The following AK8 variants were observed in gnomAD, a reference collection of about 807,000 sequenced individuals.
The protein encoded by AK8 is ATP-AMP transphosphorylase 8.
Under a neutral mutation model 54.6 loss-of-function variants are expected in AK8, and 44 were observed. The observed-to-expected ratio is 0.81, with a 90% CI of 0.63 to 1.04. The LOEUF (loss-of-function observed/expected upper bound fraction) is 1.04, where lower values mean the gene tolerates loss of function less well. Ranked by LOEUF, AK8 falls within the 50% of genes least tolerant of loss-of-function variation. AK8 has a pLI of 0.00. For synonymous variants in AK8, 239 were observed against 245.6 expected (o/e 0.97, Z 0.25); for missense variants, 555 against 613.6 (o/e 0.90, Z 1.01).
At position 132,823,301 on chromosome 9, in the gene AK8, C is replaced by T. The variant is rs1179521659; in HGVS notation, c.793G>A (p.Ala265Thr). ...AGCAGCACCCTCGGGGTGAACGGGG[C>T]ATTAGTACGATGGTTGCTTTGGACA... ...TYVQSNHRTN[A>T]PFTPRVLLLG... The change falls in exon 9 of 13, where the codon GCC (alanine) becomes ACC (threonine). Residue 265 changes from alanine (A) to threonine (T), a missense_variant. Physicochemically the swap from Ala to Thr is moderately conservative, Grantham distance 58. Transcript: ENST00000298545. 27 of 1,613,808 alleles carry T rather than the reference C, an allele frequency of 1.7e-5. No homozygotes were observed. The highest frequency in any genetic ancestry group is 2.3e-5 in the Non-Finnish European group (27 of 1,179,836).
chr9:132,787,373 A>G (rs575124912), intron 11 of AK8, among the ~76,000 whole-genome samples: 1 of 152,324 alleles, frequency 6.6e-6, no homozygotes, highest in African/African-American at 2.4e-5. Flanking sequence ...AAGAGCCTAC[A>G]AACTTCCACA....
chr9:132,873,523 TTACTTTTACTC>T (rs1043093512), intron 2 of AK8, among the ~76,000 whole-genome samples: 1 of 152,250 alleles, frequency 6.6e-6, no homozygotes, highest in Non-Finnish European at 1.5e-5. Context: ...TGTTTTTACT[TTACTTTTACTC>T]TACTTTTACT....
intron 11 of AK8, among the ~76,000 whole-genome samples, chr9:132,730,334 A>G (rs191707881): frequency 2.0e-5 from 3 of 152,304 alleles, no homozygotes; most frequent in Non-Finnish European, 4.4e-5. Context: ...GTCCAGAGCA[A>G]TAACAGCACG....
intron 11 of AK8, among the ~76,000 whole-genome samples, chr9:132,780,770 C>A (rs1839429590): frequency 1.3e-5 from 2 of 152,160 alleles, no homozygotes; most frequent in African/African-American, 2.4e-5. Flanking sequence ...GAAAAAGATA[C>A]TCCAGAAAAC....
chr9:132,760,223 G>A (rs770444103), intron 11 of AK8, among the ~76,000 whole-genome samples: 1 of 149,514 alleles, frequency 6.7e-6, no homozygotes, highest in African/African-American at 2.5e-5. Flanking sequence ...TTGCTGTGTT[G>A]CCCAGGCTGC....
chr9:132,791,698 A>G lies in AK8; in HGVS notation c.1121+936T>C, dbSNP rs1037650803. Among the ~76,000 whole-genome samples the G allele has an allele frequency of 6.6e-6, 1 of 152,156 alleles. No individual in the cohort carries two copies. The highest frequency in any genetic ancestry group is 2.4e-5 in the African/African-American group (1 of 41,424). On this transcript the variant is annotated intron_variant, in intron 11 of 12. Transcript: ENST00000298545. This position sits in a 1 kb window ranked among gnomAD's most constrained non-coding sequence, Gnocchi z 4.0. Reference sequence around the variant, plus strand: ...CCCAGTATATTGAGAGACTAAACACACAGTTTGATGATGGTCAGACCATAT... The same window carrying G: ...CCCAGTATATTGAGAGACTAAACACGCAGTTTGATGATGGTCAGACCATAT...
At chr9:132,776,147 T>C (rs1204040259) in intron 11 of AK8, among the ~76,000 whole-genome samples, 1 of 152,224 alleles carries the variant, frequency 6.6e-6, no homozygotes, top group Non-Finnish European at 1.5e-5. Context: ...ATGGGAGAAC[T>C]TTCCTTTTTC....
intron 11 of AK8, among the ~76,000 whole-genome samples, chr9:132,789,354 T>C (rs1447153958): frequency 6.6e-6 from 1 of 151,172 alleles, no homozygotes; most frequent in East Asian, 1.9e-4. Context: ...TCCAAGCACT[T>C]TGGGAGGCTG....
chr9:132,840,765 C>T (rs140157617), intron 5 of AK8, among the ~76,000 whole-genome samples: 36 of 152,152 alleles, frequency 2.4e-4, no homozygotes, highest in Non-Finnish European at 4.9e-4. Flanking sequence ...TGGTGGCACA[C>T]GCCTGCAATC....
chr9:132,870,236 AT>A (rs1843757554), intron 2 of AK8, among the ~76,000 whole-genome samples: 1 of 152,164 alleles, frequency 6.6e-6, no homozygotes, highest in Non-Finnish European at 1.5e-5. Flanking sequence ...TCCCCACCTA[AT>A]TTCTCCCACA....
chr9:132,756,798 C>T (rs960394865), intron 11 of AK8, among the ~76,000 whole-genome samples: 4 of 152,018 alleles, frequency 2.6e-5, no homozygotes, highest in Non-Finnish European at 5.9e-5. Context: ...TAGAGACAGG[C>T]GAATTCCGCA....
intron 9 of AK8, among the ~76,000 whole-genome samples, 167 bp from the exon 10 acceptor site, chr9:132,814,894 T>C (rs1007672198): frequency 2.0e-5 from 3 of 151,712 alleles, no homozygotes; most frequent in African/African-American, 7.3e-5. Context: ...AAAGTAAATA[T>C]CAAAAAGGAG....
At chr9:132,828,593 ACCCCTTGGGGCT>A in intron 6 of AK8, 40 bp downstream of exon 6, 1 of 1,532,282 alleles carries the variant, frequency 6.5e-7, no homozygotes, top group Admixed American at 1.9e-5. Context: ...CTCACTGGCC[ACCCCTTGGGGCT>A]GCAGCTCTGG....
chr9:132,870,637 C>T (rs541851937), intron 2 of AK8, among the ~76,000 whole-genome samples: 7 of 152,370 alleles, frequency 4.6e-5, no homozygotes, highest in African/African-American at 1.4e-4. Flanking sequence ...GCCCAAGTGC[C>T]GGGGCTCCCT....
At chr9:132,757,048 G>C (rs1838218590) in intron 11 of AK8, among the ~76,000 whole-genome samples, 1 of 152,152 alleles carries the variant, frequency 6.6e-6, no homozygotes, top group Non-Finnish European at 1.5e-5. Flanking sequence ...CATAATTTCG[G>C]AATCATCGCA....
rs146985212 is a variant in AK8, at chr9:132,742,775, C to A, written c.1122-15241G>T. The stretch of plus-strand genomic sequence containing the variant: ...ATATGTAATAACAACACAGAACCCA[C>A]GTGGGCCCACACACCAGCACTCTTC... On this transcript the variant is annotated intron_variant, in intron 11 of 12. Coordinates refer to ENST00000298545, the MANE Select transcript of AK8 (RefSeq NM_152572.3). Among the ~76,000 whole-genome samples the A allele has an allele frequency of 5.7e-3, 862 of 152,332 alleles. 12 individuals are homozygous for A. Among genetic ancestry groups the A allele is most frequent in the African/African-American group, 0.02 (814 of 41,570 alleles).
intron 11 of AK8, among the ~76,000 whole-genome samples, chr9:132,736,541 T>C (rs1837124029): frequency 6.8e-6 from 1 of 146,886 alleles, no homozygotes; most frequent in African/African-American, 2.5e-5. Flanking sequence ...CTCACACCTG[T>C]AATCCCAGCA....
At position 132,826,893 on chromosome 9, in the gene AK8, T is replaced by C; in HGVS notation, c.718A>G (p.Ile240Val). Reference protein sequence around the residue: ...IPSYPKILKVISADQPCVDVF... With the variant: ...IPSYPKILKVVSADQPCVDVF... ...TCCACACATGGCTGGTCAGCACTGATGACTTTGAGGATTTTGGGGTAGGAG... is the reference window on the plus strand; with the variant it reads ...TCCACACATGGCTGGTCAGCACTGACGACTTTGAGGATTTTGGGGTAGGAG... The change falls in exon 8 of 13, where the codon ATC becomes GTC. Residue 240 changes from isoleucine (I) to valine (V), a missense_variant. Physicochemically the swap from Ile to Val is conservative, Grantham distance 29. Transcript: ENST00000298545. The surrounding 1 kb of genome is among the most constrained non-coding windows in gnomAD (Gnocchi z 4.5). 6.2e-7 allele frequency: 1 copy of C among 1,614,270 alleles called. No homozygotes were observed. The highest frequency in any genetic ancestry group is 8.5e-7 in the Non-Finnish European group (1 of 1,180,050).
intron 11 of AK8, among the ~76,000 whole-genome samples, chr9:132,786,661 C>T (rs560918624): frequency 6.6e-6 from 1 of 152,294 alleles, no homozygotes; most frequent in South Asian, 2.1e-4. Flanking sequence ...AAGACTAAAC[C>T]TGTGGGCTCT....
Sources: allele counts gnomAD v4.1 joint callset (sites outside exome capture counted in the v4.1 genomes callset), GRCh38; gene constraint gnomAD v4.1.1; non-coding constraint Gnocchi (gnomAD v3.1); transcripts MANE v1.5; gene names NCBI Gene and HGNC (gene_info 2026-07-23, HGNC 2026-07-21).